SLIT2: variants seen among roughly 807,000 people sequenced by gnomAD.
SLIT2 encodes slit guidance ligand 2, also known as slit homolog 2 protein.
A neutral mutation model predicts 185.7 loss-of-function variants in SLIT2; 41 were observed. The ratio of observed to expected loss-of-function variants is 0.22; its 90% CI spans 0.17 to 0.29. The LOEUF is 0.29. Ranked by LOEUF, SLIT2 falls within the 10% of genes least tolerant of loss-of-function variation. The probability of loss-of-function intolerance (pLI) is 1.00; values close to 1 mark genes in which losing one functional copy is unlikely to be tolerated. For missense variants in SLIT2, 1,571 were observed against 1,909.0 expected, an observed-to-expected ratio of 0.82 and a Z score of 3.30; for synonymous variants, 693 against 680.2, an observed-to-expected ratio of 1.02 and a Z score of -0.29.
chr4:20,259,160 A>G (rs1012895430), intron 3 of SLIT2, among the ~76,000 whole-genome samples: 2 of 151,720 alleles, frequency 1.3e-5, no homozygotes, highest in Non-Finnish European at 3.0e-5. Context: ...TTTAGAGGGA[A>G]ATTAAAATTG....
At chr4:20,321,683 G>T (rs1341659614) in intron 4 of SLIT2, among the ~76,000 whole-genome samples, 1 of 152,198 alleles carries the variant, frequency 6.6e-6, no homozygotes, top group African/African-American at 2.4e-5. Context: ...GGGAGCAAAT[G>T]CCTCTTTGTG....
At chr4:20,541,353 A>G (rs16869738) in intron 19 of SLIT2, 100 bp from the exon 20 acceptor site, 22,013 of 963,618 alleles carry the variant, frequency 0.023, 900 homozygotes, top group African/African-American at 0.15. Context: ...AGAAGGAATC[A>G]TTCCAGCGGA....
intron 6 of SLIT2, among the ~76,000 whole-genome samples, chr4:20,483,575 A>AT (rs1281475465): frequency 1.3e-5 from 2 of 152,056 alleles, no homozygotes; most frequent in African/African-American, 4.8e-5. Flanking sequence ...AATGAACATA[A>AT]TTTAGTGTAA....
chr4:20,481,870 A>G (rs1716739927), intron 6 of SLIT2, among the ~76,000 whole-genome samples: 1 of 152,186 alleles, frequency 6.6e-6, no homozygotes, highest in South Asian at 2.1e-4. Context: ...AAAAGATTGT[A>G]TGAATGAATT....
At chr4:20,526,031 A>G (rs181210669) in intron 15 of SLIT2, among the ~76,000 whole-genome samples, 39 of 152,242 alleles carry the variant, frequency 2.6e-4, no homozygotes, top group African/African-American at 7.7e-4. Flanking sequence ...GTTTTAAACC[A>G]TTATGTTAAG....
chr4:20,373,689 T>A (rs1723777609), intron 4 of SLIT2, among the ~76,000 whole-genome samples: 1 of 152,130 alleles, frequency 6.6e-6, no homozygotes, highest in South Asian at 2.1e-4. Flanking sequence ...CCAAACTCAC[T>A]TCTAGGGACC....
At chr4:20,553,281 T>C (rs987227918) in intron 25 of SLIT2, among the ~76,000 whole-genome samples, 6 of 152,224 alleles carry the variant, frequency 3.9e-5, no homozygotes, top group Non-Finnish European at 7.3e-5. Flanking sequence ...TTAATCTGTT[T>C]GTTCACCATC....
chr4:20,335,440 A>G (rs1720410175), intron 4 of SLIT2, among the ~76,000 whole-genome samples: 1 of 152,184 alleles, frequency 6.6e-6, no homozygotes, highest in South Asian at 2.1e-4. Flanking sequence ...ATAAATGATT[A>G]CCTTTTTGAT....
chr4:20,431,049 C>A (rs536164632), intron 4 of SLIT2, among the ~76,000 whole-genome samples: 10 of 152,312 alleles, frequency 6.6e-5, no homozygotes, highest in Non-Finnish European at 1.3e-4. Context: ...AACCGTGTTA[C>A]GTTGGCAGCC....
chr4:20,548,636 A>G, intron 23 of SLIT2, 77 bp downstream of exon 23: 2 of 855,728 alleles, frequency 2.3e-6, no homozygotes, highest in East Asian at 2.4e-5. Flanking sequence ...GGACATTGCT[A>G]TTGAACAAGA....
At chr4:20,504,426 A>G (rs1049306567) in intron 9 of SLIT2, among the ~76,000 whole-genome samples, 9 of 152,168 alleles carry the variant, frequency 5.9e-5, no homozygotes, top group South Asian at 2.1e-4. Context: ...TACAGACACA[A>G]TCAATCCAAA....
At chr4:20,610,338 A>G (rs920698630) in intron 34 of SLIT2, among the ~76,000 whole-genome samples, 171 bp downstream of exon 34, 1 of 152,214 alleles carries the variant, frequency 6.6e-6, no homozygotes, top group African/African-American at 2.4e-5. Context: ...GGTGGGTGTT[A>G]AGGGATCATT....
At chr4:20,431,849 C>A (rs1380586662) in intron 4 of SLIT2, among the ~76,000 whole-genome samples, 1 of 152,170 alleles carries the variant, frequency 6.6e-6, no homozygotes, top group African/African-American at 2.4e-5. Flanking sequence ...CTGGCCGGGG[C>A]CAGGGTTCAG....
chr4:20,354,902 T>TGAGA (rs766444200), intron 4 of SLIT2, among the ~76,000 whole-genome samples: 1,885 of 106,280 alleles, frequency 0.018, 7 homozygotes, highest in Middle Eastern at 0.035. Context: ...TGTGTGTGTG[T>TGAGA]GTGTGAGAGA....
chr4:20,492,065 C>A (rs190772802), intron 9 of SLIT2, among the ~76,000 whole-genome samples, 166 bp downstream of exon 9: 3 of 152,250 alleles, frequency 2.0e-5, no homozygotes, highest in Non-Finnish European at 4.4e-5. Flanking sequence ...TAAAAACATA[C>A]CATGTTAAAG....
At chr4:20,558,202 T>C (rs1260033725) in intron 26 of SLIT2, among the ~76,000 whole-genome samples, 1 of 152,110 alleles carries the variant, frequency 6.6e-6, no homozygotes, top group African/African-American at 2.4e-5. Context: ...AATGTTCTAC[T>C]GTGGATAAAA....
At chr4:20,263,394 T>C (rs1320705161) in intron 3 of SLIT2, among the ~76,000 whole-genome samples, 1 of 151,858 alleles carries the variant, frequency 6.6e-6, no homozygotes, top group Non-Finnish European at 1.5e-5. Flanking sequence ...CCATACACTC[T>C]GAATACAGAT....
At position 20,610,062 on chromosome 4, in the gene SLIT2, T is replaced by G. The variant is rs761371107; in HGVS notation, c.3742T>G (p.Leu1248Val). ...CTTCCACATTGTGGAACTACTTGCC[T>G]TGGATCAGAGTCTCTCTTTGTCCGT... ...GNFHIVELLA[L>V]DQSLSLSVDG... The change falls in exon 34 of 37, where the codon TTG becomes GTG. Residue 1248 changes from leucine (L) to valine (V), a missense_variant. Physicochemically the swap from Leu to Val is conservative, Grantham distance 32. Around this residue, in one of 3 missense-constraint regions of SLIT2, gnomAD observed 146 missense variants for 247.4 expected, o/e 0.59. Coordinates refer to ENST00000504154, the MANE Select transcript of SLIT2 (RefSeq NM_004787.4). The G allele has an allele frequency of 1.2e-6, 2 of 1,613,742 alleles. No homozygotes were observed. The highest frequency in any genetic ancestry group is 3.3e-5 in the Admixed American group (2 of 59,996).
chr4:20,326,734 G>A (rs1429197581), intron 4 of SLIT2, among the ~76,000 whole-genome samples: 1 of 131,622 alleles, frequency 7.6e-6, no homozygotes, highest in African/African-American at 2.9e-5. Context: ...CATGTTGAAA[G>A]CATTCTGAAA....
Sources: allele counts gnomAD v4.1 joint callset (sites outside exome capture counted in the v4.1 genomes callset), GRCh38; gene constraint gnomAD v4.1.1; regional missense constraint gnomAD v4.1.1; transcripts MANE v1.5; gene names NCBI Gene and HGNC (gene_info 2026-07-23, HGNC 2026-07-21).